The following NTM variants were observed in gnomAD, a reference collection of about 807,000 sequenced individuals.
NTM encodes neurotrimin.
In NTM, 13 loss-of-function variants were observed where a neutral mutation model predicts 42.1. The observed-to-expected ratio is 0.31, with a 90% CI of 0.20 to 0.49. NTM has a LOEUF of 0.49. Among genes scored for constraint, NTM ranks in the 20% least tolerant of loss-of-function variants. The pLI, the probability that NTM is intolerant of heterozygous loss-of-function variation, is 0.99. For synonymous variants in NTM, 187 were observed against 179.2 expected (o/e 1.04, Z -0.35); for missense variants, 373 against 452.8 (o/e 0.82, Z 1.60).
chr11:131,974,086 C>T (rs1165705997), intron 2 of NTM, among the ~76,000 whole-genome samples: 1 of 152,026 alleles, frequency 6.6e-6, no homozygotes, highest in Non-Finnish European at 1.5e-5. Flanking sequence ...CTCTAGCTTA[C>T]TTTATTTTAA....
chr11:131,901,679 T>C (rs1247828692), intron 1 of NTM, among the ~76,000 whole-genome samples: 6 of 152,202 alleles, frequency 3.9e-5, no homozygotes, highest in Admixed American at 6.5e-5. Context: ...AGTCTTCTCA[T>C]TACTCACTTT....
rs879517082 is a variant in NTM at position 131,450,331 on chromosome 11, G to C, written c.82+79443G>C. ...GGGGAGTCATAACCCGAAGTGGCTC[G>C]TGGCTTCCACCCACCATCTATTGGC... is the stretch of plus-strand genomic sequence containing the variant. On this transcript the variant is annotated intron_variant, in intron 1 of 8. Transcript: ENST00000683400. Among the ~76,000 whole-genome samples the C allele has an allele frequency of 2.1e-3, 319 of 152,274 alleles. 6 individuals carry two copies. The South Asian group carries it at 0.024, about 11-fold the overall frequency.
intron 1 of NTM, among the ~76,000 whole-genome samples, chr11:131,725,729 G>A (rs1342654561): frequency 1.3e-5 from 2 of 152,172 alleles, no homozygotes; most frequent in Non-Finnish European, 2.9e-5. Context: ...TTAGCTCTTC[G>A]TTAGGAGTGA....
chr11:131,890,843 TG>T (rs1323050106), intron 1 of NTM, among the ~76,000 whole-genome samples: 1 of 152,210 alleles, frequency 6.6e-6, no homozygotes, highest in Non-Finnish European at 1.5e-5. Context: ...TCTGTGTCTC[TG>T]GCAGAACCAC....
intron 3 of NTM, among the ~76,000 whole-genome samples, chr11:132,168,894 T>C (rs747562384): frequency 1.3e-5 from 2 of 152,190 alleles, no homozygotes; most frequent in Non-Finnish European, 2.9e-5. Context: ...ACTTTACACA[T>C]GTCTTAGACA....
chr11:131,500,575 ATATTTT>A (rs1443559088), intron 1 of NTM, among the ~76,000 whole-genome samples: 60 of 18,038 alleles, frequency 3.3e-3, no homozygotes, highest in East Asian at 0.014. Flanking sequence ...ATATATATAT[ATATTTT>A]TTTTTTTTTT....
At chr11:131,843,905 A>G (rs1158875086) in intron 1 of NTM, among the ~76,000 whole-genome samples, 1 of 150,594 alleles carries the variant, frequency 6.6e-6, no homozygotes, top group African/African-American at 2.4e-5. Context: ...CTTTTTTTTC[A>G]CATTTTCGAT....
At chr11:132,107,874 T>C (rs1443055539) in intron 2 of NTM, among the ~76,000 whole-genome samples, 1 of 152,212 alleles carries the variant, frequency 6.6e-6, no homozygotes, top group Non-Finnish European at 1.5e-5. Flanking sequence ...ATCCTATGTC[T>C]TCTGTACCCT....
intron 1 of NTM, among the ~76,000 whole-genome samples, chr11:131,849,963 AAGT>A (rs1370173235): frequency 6.8e-5 from 6 of 88,240 alleles, no homozygotes; most frequent in African/African-American, 2.4e-4. Context: ...CTAAAACTTA[AAGT>A]ATAATAATAA....
chr11:131,904,220 A>C (rs896527872), intron 1 of NTM, among the ~76,000 whole-genome samples: 4 of 152,192 alleles, frequency 2.6e-5, no homozygotes, highest in Non-Finnish European at 5.9e-5. Flanking sequence ...AAGATCAAAC[A>C]GAGACAAAAG....
rs116561866 is a variant in NTM, at chr11:132,002,916, A to G, written c.167+91268A>G. Among the ~76,000 whole-genome samples the G allele has an allele frequency of 5.3e-3, 780 of 146,034 alleles. 33 individuals are homozygous for G. The highest frequency in any genetic ancestry group is 0.021 in the African/African-American group (754 of 35,588). ...CAGCCATTATTACTGTTTACTGTTA[A>G]TAACAGAAATTACTATTAAAAAAGA... On this transcript the variant is annotated intron_variant, in intron 2 of 8. Transcript: ENST00000683400. This position sits in a 1 kb window ranked among gnomAD's most constrained non-coding sequence, Gnocchi z 4.5.
intron 3 of NTM, among the ~76,000 whole-genome samples, chr11:132,196,082 G>A (rs978091619): frequency 1.3e-5 from 2 of 151,908 alleles, no homozygotes; most frequent in African/African-American, 2.4e-5. Flanking sequence ...AATCTATAAC[G>A]AACTTAATTC....
intron 1 of NTM, among the ~76,000 whole-genome samples, chr11:131,853,292 TA>T (rs893476811): frequency 2.6e-5 from 4 of 152,184 alleles, no homozygotes; most frequent in African/African-American, 9.6e-5. Flanking sequence ...GTTTGTTACA[TA>T]GGCAAACATG....
intron 1 of NTM, among the ~76,000 whole-genome samples, chr11:131,570,800 C>G (rs2057374510): frequency 1.3e-5 from 2 of 152,174 alleles, no homozygotes; most frequent in Non-Finnish European, 2.9e-5. Context: ...TCCAGCCTGG[C>G]AACAGAGGGA....
chr11:131,546,112 C>T lies in NTM; in HGVS notation c.82+175224C>T, dbSNP rs141681336. Reference sequence around the variant, plus strand: ...ATTTATAGCCTCATGCACCATGTTCCAGTGTCAGGTCTTTTCCTTTTAGCA... The same window carrying T: ...ATTTATAGCCTCATGCACCATGTTCTAGTGTCAGGTCTTTTCCTTTTAGCA... On this transcript the variant is annotated intron_variant, in intron 1 of 8. Transcript: ENST00000683400. Among the ~76,000 whole-genome samples the T allele has an allele frequency of 7.9e-4, 120 of 152,254 alleles. 3 individuals are homozygous for T. In the East Asian group the frequency reaches 0.02, roughly 25 times the overall value.
At chr11:131,992,464 G>C (rs1039697896) in intron 2 of NTM, among the ~76,000 whole-genome samples, 6 of 151,966 alleles carry the variant, frequency 3.9e-5, no homozygotes, top group African/African-American at 1.5e-4. Flanking sequence ...TCGAAGTTCA[G>C]CTGTAGAATG....
chr11:131,627,211 C>G (rs1169643951), intron 1 of NTM, among the ~76,000 whole-genome samples: 1 of 149,522 alleles, frequency 6.7e-6, no homozygotes, highest in Non-Finnish European at 1.5e-5. Context: ...ATAAAGCAGG[C>G]GGCTTTTATT....
rs577618665 is a variant in NTM, at chr11:131,914,636, A to G, written c.167+2988A>G. 3.5e-4 allele frequency among the ~76,000 whole-genome samples: 53 copies of G among 152,318 alleles called. 1 individual carries two copies. Among genetic ancestry groups the G allele is most frequent in the African/African-American group, 1.3e-3 (53 of 41,568 alleles). On this transcript the variant is annotated intron_variant, in intron 2 of 8. Transcript: ENST00000683400. ...TTATCTTATCCAAGTAGCTCTAACA[A>G]TCCTTGTGGAGGTATTGGGAAATGT...
At chr11:131,796,281 C>A (rs1390396488) in intron 1 of NTM, 2 of 595,390 alleles carry the variant, frequency 3.4e-6, no homozygotes, top group African/African-American at 2.0e-5. Context: ...GAGGCTGCTG[C>A]CTGCCTGGCT....
Sources: allele counts gnomAD v4.1 joint callset (sites outside exome capture counted in the v4.1 genomes callset), GRCh38; gene constraint gnomAD v4.1.1; non-coding constraint Gnocchi (gnomAD v3.1); transcripts MANE v1.5; gene names NCBI Gene and HGNC (gene_info 2026-07-23, HGNC 2026-07-21).